The following ADGB variants were observed in gnomAD, a reference collection of about 807,000 sequenced individuals.
ADGB encodes calpain-7-like protein.
ADGB carries 172 observed loss-of-function variants against 210.5 expected under a neutral mutation model. That is an observed-to-expected ratio of 0.82 (90% CI 0.72 to 0.93). The LOEUF (loss-of-function observed/expected upper bound fraction) is 0.93, where lower values mean the gene tolerates loss of function less well. ADGB is among the 40% of genes least tolerant of loss of function. The pLI is 0.00. For synonymous variants in ADGB, 658 were observed against 662.7 expected (o/e 0.99, Z 0.11); for missense variants, 2,025 against 1,964.8 (o/e 1.03, Z -0.58).
intron 1 of ADGB, among the ~76,000 whole-genome samples, chr6:146,629,180 G>A (rs917325384): frequency 2.6e-5 from 4 of 152,038 alleles, no homozygotes; most frequent in African/African-American, 7.2e-5. Flanking sequence ...TAATGAGACC[G>A]GAATAATGCA....
At chr6:146,794,410 A>C (rs1778007176) in intron 33 of ADGB, among the ~76,000 whole-genome samples, 1 of 149,620 alleles carries the variant, frequency 6.7e-6, no homozygotes, top group South Asian at 2.1e-4. Flanking sequence ...TTGGAGAAAA[A>C]ACCTTACTGT....
intron 3 of ADGB, among the ~76,000 whole-genome samples, chr6:146,647,466 G>A (rs1374259398): frequency 1.3e-5 from 2 of 152,028 alleles, no homozygotes; most frequent in African/African-American, 4.8e-5. Context: ...CAGGAAGAGT[G>A]TGTTCAAGGT....
In ADGB at chr6:146,703,075, G is replaced by T. The variant is rs181295725; in HGVS notation, c.1707+2005G>T. On this transcript the variant is annotated intron_variant, in intron 13 of 35. Coordinates refer to ENST00000397944, the MANE Select transcript of ADGB (RefSeq NM_024694.4). The stretch of plus-strand genomic sequence containing the variant: ...TTTGTATACATTTACTGCCATTTCT[G>T]TTTGTGCTGCTGTGCAATGCCTGCT... Among the ~76,000 whole-genome samples the T allele has an allele frequency of 3.8e-3, 577 of 151,798 alleles. 4 individuals carry two copies. The highest frequency in any genetic ancestry group is 6.3e-3 in the Non-Finnish European group (427 of 67,750).
intron 1 of ADGB, among the ~76,000 whole-genome samples, chr6:146,600,926 GCACACACA>G (rs35082520): frequency 0.021 from 3,051 of 144,256 alleles, 56 homozygotes; most frequent in African/African-American, 0.047. Flanking sequence ...TCCCCCATGC[GCACACACA>G]CACACACACA....
At chr6:146,638,498 G>A (rs1012060337) in intron 2 of ADGB, among the ~76,000 whole-genome samples, 1 of 148,840 alleles carries the variant, frequency 6.7e-6, no homozygotes, top group Non-Finnish European at 1.5e-5. Flanking sequence ...GCAAACTATC[G>A]CAAGGACAAA....
intron 20 of ADGB, 52 bp downstream of exon 20, chr6:146,728,793 T>C (rs946429519): frequency 7.1e-7 from 1 of 1,412,948 alleles, no homozygotes; most frequent in Non-Finnish European, 9.5e-7. Flanking sequence ...CTTTTCAAAA[T>C]GGTATATCTT....
chr6:146,611,785 G>A (rs2114830463), intron 1 of ADGB, among the ~76,000 whole-genome samples: 1 of 152,152 alleles, frequency 6.6e-6, no homozygotes, highest in East Asian at 1.9e-4. Flanking sequence ...GCCATCTTGG[G>A]AATTGTTTTT....
At chr6:146,728,439 C>T in intron 19 of ADGB, 135 bp from the exon 20 acceptor site, 3 of 943,230 alleles carry the variant, frequency 3.2e-6, no homozygotes, top group Non-Finnish European at 4.5e-6. Context: ...AGTAAAGCTA[C>T]CTTGATATCA....
Position 146,676,302 on chromosome 6 carries a change from T to C in ADGB, c.1088-11T>C, listed in dbSNP as rs1385313754. On this transcript the variant is annotated splice_polypyrimidine_tract_variant and intron_variant, in intron 8 of 35. Coordinates refer to ENST00000397944, the MANE Select transcript of ADGB (RefSeq NM_024694.4). ...AGTTAAAATATTTATTGTGATTTTT[T>C]CATATGTTAGAGAAAGCAGATGCAA... is the stretch of plus-strand genomic sequence containing the variant. 1.0e-5 allele frequency: 16 copies of C among 1,534,446 alleles called. No individual in the cohort carries two copies. The East Asian group carries it at 3.9e-4, about 38-fold the overall frequency.
At chr6:146,694,311 A>C (rs1197722683) in intron 12 of ADGB, among the ~76,000 whole-genome samples, 1 of 152,192 alleles carries the variant, frequency 6.6e-6, no homozygotes, top group Non-Finnish European at 1.5e-5. Context: ...ACTGCACGCC[A>C]GCAGAGTCAA....
intron 33 of ADGB, among the ~76,000 whole-genome samples, chr6:146,796,663 G>A (rs937698276): frequency 3.3e-5 from 5 of 152,118 alleles, no homozygotes; most frequent in African/African-American, 4.8e-5. Context: ...CAAGCCACAC[G>A]TAGAAGAATG....
At chr6:146,797,008 A>G (rs1583643590) in intron 33 of ADGB, among the ~76,000 whole-genome samples, 1 of 152,144 alleles carries the variant, frequency 6.6e-6, no homozygotes, top group East Asian at 1.9e-4. Context: ...AGAAAAAATA[A>G]CAAATAACCC....
chr6:146,686,248 A>G (rs1426072408), intron 10 of ADGB, among the ~76,000 whole-genome samples: 3 of 152,088 alleles, frequency 2.0e-5, no homozygotes, highest in African/African-American at 7.2e-5. Context: ...CTCAGGCTGG[A>G]GAGATACTGC....
chr6:146,775,106 A>T (rs1407794891), intron 29 of ADGB, among the ~76,000 whole-genome samples: 1 of 152,188 alleles, frequency 6.6e-6, no homozygotes, highest in Non-Finnish European at 1.5e-5. Context: ...TTTTATATCA[A>T]GAAGAAATTG....
chr6:146,797,294 C>G (rs1225501571), intron 33 of ADGB, among the ~76,000 whole-genome samples: 2 of 152,082 alleles, frequency 1.3e-5, no homozygotes, highest in African/African-American at 2.4e-5. Context: ...TGTGGAGATT[C>G]CTTAAAGAAC....
At chr6:146,727,508 T>C (rs1365636843) in intron 19 of ADGB, among the ~76,000 whole-genome samples, 1 of 152,238 alleles carries the variant, frequency 6.6e-6, no homozygotes, top group Non-Finnish European at 1.5e-5. Context: ...TTCTGCTTTA[T>C]ATGGTATACA....
At chr6:146,683,634 T>C (rs1207646556) in intron 9 of ADGB, among the ~76,000 whole-genome samples, 1 of 152,090 alleles carries the variant, frequency 6.6e-6, no homozygotes, top group African/African-American at 2.4e-5. Flanking sequence ...ATTTCTATAA[T>C]ATGTCAAGAC....
intron 25 of ADGB, 86 bp downstream of exon 25, chr6:146,741,357 T>C: frequency 7.8e-7 from 1 of 1,279,828 alleles, no homozygotes; most frequent in Middle Eastern, 2.1e-4. Flanking sequence ...GAGGGTAGAG[T>C]TGTTTTTAAT....
intron 6 of ADGB, among the ~76,000 whole-genome samples, chr6:146,666,080 A>G (rs759865458): frequency 4.6e-5 from 7 of 152,076 alleles, no homozygotes; most frequent in Admixed American, 2.0e-4. Flanking sequence ...TGTGACTAAG[A>G]TAGTAAGATT....
Sources: allele counts gnomAD v4.1 joint callset (sites outside exome capture counted in the v4.1 genomes callset), GRCh38; gene constraint gnomAD v4.1.1; transcripts MANE v1.5; gene names NCBI Gene and HGNC (gene_info 2026-07-23, HGNC 2026-07-21).